ZNF705B: variants seen among roughly 807,000 people sequenced by gnomAD.
ZNF705B encodes Putative zinc finger protein 705D-like protein LOC100132396.
Under a neutral mutation model 10.5 loss-of-function variants are expected in ZNF705B, and 1 was observed. The ratio of observed to expected loss-of-function variants is 0.10; its 90% confidence interval spans 0.03 to 0.45. ZNF705B has a LOEUF of 0.45. ZNF705B is among the 20% of genes least tolerant of loss of function. ZNF705B has a pLI of 0.97. For synonymous variants in ZNF705B, 4 were observed against 25.4 expected, an observed-to-expected ratio of 0.16 and a Z score of 2.53; for missense variants, 14 against 84.0, an observed-to-expected ratio of 0.17 and a Z score of 3.26.
chr8:7,935,469 T>C (rs1241734027), intron 2 of ZNF705B, among the ~76,000 whole-genome samples: 2 of 114,498 alleles, frequency 1.7e-5, no homozygotes, highest in African/African-American at 2.6e-5. Flanking sequence ...ACCTTTTCCA[T>C]GATAACTTCT....
intron 2 of ZNF705B, chr8:7,934,680 TTGTGTGTGTGTC>T: frequency 4.7e-6 from 1 of 210,928 alleles, no homozygotes; most frequent in Non-Finnish European, 7.7e-6. Flanking sequence ...TTGTGTGGAT[TTGTGTGTGTGTC>T]TGTGTGTGTG....
chr8:7,930,500 T>G (rs867727071), intron 2 of ZNF705B, 64 bp downstream of exon 2: 2 of 62,286 alleles, frequency 3.2e-5, no homozygotes, highest in South Asian at 7.3e-4. Context: ...GTAGGCCAAA[T>G]TGATTGATCA....
chr8:7,929,088 A>G (rs1173921069), intron 1 of ZNF705B, among the ~76,000 whole-genome samples: 1 of 121,588 alleles, frequency 8.2e-6, no homozygotes, highest in African/African-American at 2.5e-5. Flanking sequence ...AAAACTACTG[A>G]AATTTGAAAA....
chr8:7,927,986 C>T (rs1819744759), intron 1 of ZNF705B, among the ~76,000 whole-genome samples: 1 of 137,708 alleles, frequency 7.3e-6, no homozygotes, highest in Non-Finnish European at 1.6e-5. Flanking sequence ...TTCCTTCCTG[C>T]CTTAGTCCAT....
chr8:7,936,732 G>A (rs1179244705), intron 2 of ZNF705B, among the ~76,000 whole-genome samples: 1 of 118,850 alleles, frequency 8.4e-6, no homozygotes, highest in Admixed American at 9.8e-5. Context: ...AGGGGAGGGA[G>A]AGGGAGTAAA....
chr8:7,929,631 A>G (rs1819786668), intron 1 of ZNF705B, among the ~76,000 whole-genome samples: 2 of 123,280 alleles, frequency 1.6e-5, no homozygotes, highest in South Asian at 5.5e-4. Flanking sequence ...CACCCATGCC[A>G]TAATTTGAAC....
Position 7,926,409 on chromosome 8 carries a change from G to A in ZNF705B, c.-222+12G>A, listed in dbSNP as rs1221971780. Reference sequence around the variant, plus strand: ...GAACCAACTGCAAGGTGGGTTTCCAGTAGGGCCAACTGGGGCTAAAGAAGG... The same window carrying A: ...GAACCAACTGCAAGGTGGGTTTCCAATAGGGCCAACTGGGGCTAAAGAAGG... On this transcript the variant is annotated intron_variant, in intron 1 of 6. Coordinates refer to ENST00000400120, the MANE Select transcript of ZNF705B (RefSeq NM_001193630.1). 8.4e-6 allele frequency: 1 copy of A among 119,132 alleles called. No homozygotes were observed. Among genetic ancestry groups the A allele is most frequent in the African/African-American group, 2.6e-5 (1 of 38,672 alleles). The allele number at this position is 119,132 out of a possible 1,614,324, so 7.4% of individuals were successfully genotyped here.
Position 7,936,562 on chromosome 8 carries a change from C to T in ZNF705B, c.-72+6126C>T, listed in dbSNP as rs1396488501. Reference sequence around the variant, plus strand: ...ATCCATAAAAAGAACAAAATTGTGTCCTTTTCAGCAACATGGATGCAGCTG... The same window carrying T: ...ATCCATAAAAAGAACAAAATTGTGTTCTTTTCAGCAACATGGATGCAGCTG... On this transcript the variant is annotated intron_variant, in intron 2 of 6. Coordinates refer to ENST00000400120, the MANE Select transcript of ZNF705B (RefSeq NM_001193630.1). Among the ~76,000 whole-genome samples the T allele has an allele frequency of 7.5e-5, 9 of 120,150 alleles. 3 individuals are homozygous for T. Among genetic ancestry groups the T allele is most frequent in the Middle Eastern group, 4.4e-3 (1 of 228 alleles). 78.8% of individuals were successfully genotyped at this position (120,150 alleles called of 152,430 possible).
At chr8:7,941,278 AT>A (rs1407233765) in intron 2 of ZNF705B, among the ~76,000 whole-genome samples, 2 of 145,340 alleles carry the variant, frequency 1.4e-5, no homozygotes, top group African/African-American at 5.0e-5. Flanking sequence ...GTCTTCCACA[AT>A]AGTTGAACTA....
intron 1 of ZNF705B, among the ~76,000 whole-genome samples, chr8:7,926,657 A>C (rs1819696071): frequency 9.4e-6 from 1 of 105,934 alleles, no homozygotes. Flanking sequence ...TAAGAAGCGG[A>C]ACATTTGGGA....
chr8:7,928,278 G>C (rs867234239), intron 1 of ZNF705B, among the ~76,000 whole-genome samples: 2 of 119,732 alleles, frequency 1.7e-5, no homozygotes, highest in Middle Eastern at 8.6e-3. Context: ...CTTGGGGGTT[G>C]GCATTTCAAC....
chr8:7,940,943 G>C (rs866166373), intron 2 of ZNF705B, among the ~76,000 whole-genome samples: 2,013 of 146,946 alleles, frequency 0.014, 7 homozygotes, highest in African/African-American at 0.047. Flanking sequence ...TGCAGTGCTT[G>C]GTTTTCTGTT....
At chr8:7,935,397 T>A (rs1174931650) in intron 2 of ZNF705B, among the ~76,000 whole-genome samples, 6 of 147,300 alleles carry the variant, frequency 4.1e-5, no homozygotes, top group South Asian at 2.3e-4. Flanking sequence ...GGCCACACAC[T>A]CTGAGGTACT....
At chr8:7,940,200 A>T (rs1232853871) in intron 2 of ZNF705B, among the ~76,000 whole-genome samples, 2 of 143,946 alleles carry the variant, frequency 1.4e-5, no homozygotes, top group African/African-American at 5.1e-5. Flanking sequence ...GCCAAGAGAA[A>T]AAAACAAGGG....
chr8:7,928,749 CA>C (rs548498381), intron 1 of ZNF705B, among the ~76,000 whole-genome samples: 22 of 52,328 alleles, frequency 4.2e-4, no homozygotes, highest in East Asian at 5.7e-4. Flanking sequence ...AACCAGGTAG[CA>C]AAAAAAAAAA....
At chr8:7,932,036 G>C (rs1353507188) in intron 2 of ZNF705B, among the ~76,000 whole-genome samples, 2 of 119,736 alleles carry the variant, frequency 1.7e-5, no homozygotes, top group African/African-American at 5.1e-5. Context: ...TTGTGCCACA[G>C]CTGCCTGTGT....
intron 2 of ZNF705B, among the ~76,000 whole-genome samples, chr8:7,940,889 T>C (rs1370752687): frequency 3.4e-5 from 5 of 146,888 alleles, no homozygotes; most frequent in Non-Finnish European, 6.1e-5. Flanking sequence ...CCTCCTAATA[T>C]CCATGTGTTC....
chr8:7,941,461 G>A (rs1217635035), intron 2 of ZNF705B, among the ~76,000 whole-genome samples: 1 of 80,450 alleles, frequency 1.2e-5, no homozygotes, highest in Non-Finnish European at 2.9e-5. Context: ...CCACATCCTC[G>A]CTAATACTTG....
chr8:7,933,932 T>A (rs1276527698), intron 2 of ZNF705B, among the ~76,000 whole-genome samples: 1 of 34,008 alleles, frequency 2.9e-5, no homozygotes, highest in Admixed American at 3.9e-4. Flanking sequence ...ATATAAACTT[T>A]TTTTTTTTTT....
Sources: allele counts gnomAD v4.1 joint callset (sites outside exome capture counted in the v4.1 genomes callset), GRCh38; gene constraint gnomAD v4.1.1; transcripts MANE v1.5; gene names NCBI Gene and HGNC (gene_info 2026-07-23, HGNC 2026-07-21).